The following NDFIP1 variants were observed in gnomAD, a reference collection of about 807,000 sequenced individuals.
NDFIP1 encodes NEDD4 family-interacting protein 1.
In NDFIP1, 7 loss-of-function variants were observed where a neutral mutation model predicts 28.8. That is an observed-to-expected ratio of 0.24 (90% CI 0.14 to 0.46). The LOEUF is 0.46. Among genes scored for constraint, NDFIP1 ranks in the 20% least tolerant of loss-of-function variants. The pLI is 0.99. For missense variants in NDFIP1, 194 were observed against 269.1 expected (o/e 0.72, Z 1.95); for synonymous variants, 92 against 101.0 (o/e 0.91, Z 0.53).
intron 1 of NDFIP1, among the ~76,000 whole-genome samples, chr5:142,131,427 A>C (rs1355013505): frequency 6.6e-6 from 1 of 152,160 alleles, no homozygotes; most frequent in Non-Finnish European, 1.5e-5. Context: ...GGAGTGTGCC[A>C]CCATGCCTGG....
chr5:142,143,529 A>T (rs1472964281), intron 6 of NDFIP1: 1 of 136,314 alleles, frequency 7.3e-6, no homozygotes, highest in Non-Finnish European at 1.7e-5. Flanking sequence ...CAGTAAAAGT[A>T]TTTAAAAAAA....
intron 1 of NDFIP1, among the ~76,000 whole-genome samples, chr5:142,110,228 C>CA (rs1309361601): frequency 6.6e-6 from 1 of 152,156 alleles, no homozygotes; most frequent in Non-Finnish European, 1.5e-5. Flanking sequence ...AAACACGGCC[C>CA]AAATTGTGGC....
chr5:142,133,507 T>TGATA (rs1355207987), intron 3 of NDFIP1, among the ~76,000 whole-genome samples: 1 of 152,238 alleles, frequency 6.6e-6, no homozygotes, highest in Non-Finnish European at 1.5e-5. Context: ...GTCATATGAC[T>TGATA]GATAAGTAGC....
At chr5:142,116,066 A>G (rs1292251589) in intron 1 of NDFIP1, among the ~76,000 whole-genome samples, 1 of 152,136 alleles carries the variant, frequency 6.6e-6, no homozygotes, top group Non-Finnish European at 1.5e-5. Context: ...GGAGTCCTGG[A>G]ACCAATTCCC....
chr5:142,144,749 A>T (rs1596795406), intron 7 of NDFIP1, 73 bp downstream of exon 7: 2 of 990,956 alleles, frequency 2.0e-6, no homozygotes, highest in Non-Finnish European at 3.1e-6. Flanking sequence ...TCAGTTTTAG[A>T]GTAAGTATCT....
intron 7 of NDFIP1, among the ~76,000 whole-genome samples, chr5:142,149,251 T>A (rs1021768920): frequency 5.9e-5 from 9 of 152,100 alleles, no homozygotes; most frequent in Admixed American, 5.2e-4. Context: ...AATACTTCTT[T>A]TATTTTATTA....
intron 7 of NDFIP1, among the ~76,000 whole-genome samples, chr5:142,150,969 G>A (rs1350468784): frequency 6.6e-6 from 1 of 152,010 alleles, no homozygotes; most frequent in Non-Finnish European, 1.5e-5. Flanking sequence ...GGAATTACTT[G>A]TAGTTTTTCC....
At chr5:142,121,778 T>C (rs922146116) in intron 1 of NDFIP1, among the ~76,000 whole-genome samples, 1 of 152,246 alleles carries the variant, frequency 6.6e-6, no homozygotes, top group African/African-American at 2.4e-5. Context: ...TGTAAAGTAA[T>C]ATGAATACTT....
In NDFIP1 at chr5:142,125,143, C is replaced by T. The variant is rs544375203; in HGVS notation, c.64-6665C>T. On this transcript the variant is annotated intron_variant, in intron 1 of 7. Transcript: ENST00000253814. Reference sequence around the variant, plus strand: ...GTACTGTAATGTTTTTAAGGTTCATCCATATTTCAGCATGTGTCAGTATCT... The same window carrying T: ...GTACTGTAATGTTTTTAAGGTTCATTCATATTTCAGCATGTGTCAGTATCT... Among the ~76,000 whole-genome samples, 3 of 152,168 alleles carry T rather than the reference C, an allele frequency of 2.0e-5. No homozygotes were observed. The South Asian group carries it at 6.2e-4, about 32-fold the overall frequency.
At chr5:142,121,041 A>G (rs1252906617) in intron 1 of NDFIP1, among the ~76,000 whole-genome samples, 1 of 152,214 alleles carries the variant, frequency 6.6e-6, no homozygotes, top group Non-Finnish European at 1.5e-5. Context: ...GTCAACATGC[A>G]AGCCTGGGTT....
intron 1 of NDFIP1, among the ~76,000 whole-genome samples, chr5:142,112,300 G>A (rs535964478): frequency 2.6e-4 from 40 of 151,240 alleles, no homozygotes; most frequent in East Asian, 1.6e-3. Context: ...CAGGAGAATC[G>A]CTTGAACCTG....
At chr5:142,145,593 G>A (rs1328988457) in intron 7 of NDFIP1, among the ~76,000 whole-genome samples, 1 of 152,120 alleles carries the variant, frequency 6.6e-6, no homozygotes, top group Non-Finnish European at 1.5e-5. Flanking sequence ...TTACATGATA[G>A]TGGAGAGTGT....
At chr5:142,120,589 A>C (rs1757113628) in intron 1 of NDFIP1, among the ~76,000 whole-genome samples, 1 of 152,206 alleles carries the variant, frequency 6.6e-6, no homozygotes, top group African/African-American at 2.4e-5. Context: ...TTTCAGGAGG[A>C]ATAAGAGGCA....
At chr5:142,143,435 C>T (rs1062158) in intron 6 of NDFIP1, 102,183 of 151,996 alleles carry the variant, frequency 0.67, 34,665 homozygotes, top group African/African-American at 0.77. Context: ...GAATGATGTT[C>T]CCCAAGCTCA....
At position 142,153,250 on chromosome 5, in the gene NDFIP1, T is replaced by C. The variant is rs772969998; in HGVS notation, c.*1522T>C. On this transcript the variant is annotated 3_prime_UTR_variant, in exon 8 of 8. Coordinates refer to ENST00000253814, the MANE Select transcript of NDFIP1 (RefSeq NM_030571.4). ...TTAGAGACCAGTTGTTTTTATGATA[T>C]CAGCCATTTGATTTTTTTCATTTTC... The C allele has an allele frequency of 3.3e-5, 15 of 453,066 alleles. No individual in the cohort carries two copies. Among genetic ancestry groups the C allele is most frequent in the Non-Finnish European group, 6.6e-5 (15 of 226,476 alleles). 28.1% of individuals were successfully genotyped at this position (453,066 alleles called of 1,614,324 possible).
intron 1 of NDFIP1, among the ~76,000 whole-genome samples, chr5:142,120,144 C>CG (rs1164972280): frequency 6.6e-6 from 1 of 152,022 alleles, no homozygotes; most frequent in African/African-American, 2.4e-5. Flanking sequence ...TTAGTAGAGA[C>CG]GGGGTTTCAC....
At chr5:142,148,750 CAAAAAAA>C (rs60681858) in intron 7 of NDFIP1, among the ~76,000 whole-genome samples, 14 of 22,226 alleles carry the variant, frequency 6.3e-4, no homozygotes, top group Admixed American at 2.5e-3. Context: ...GACTCTGTCT[CAAAAAAA>C]AAAAAAAAAA....
intron 1 of NDFIP1, among the ~76,000 whole-genome samples, chr5:142,127,454 A>G (rs985885139): frequency 1.3e-5 from 2 of 152,198 alleles, no homozygotes; most frequent in African/African-American, 4.8e-5. Flanking sequence ...TCTGCTCAGC[A>G]CATAGAAGGG....
Position 142,108,932 on chromosome 5 carries a change from C to G in NDFIP1, c.-43C>G, listed in dbSNP as rs779489738. ...AGCCGCAGCGGCCGCGCCCCTTCAG[C>G]TAGCTCGCTCGCTCGCTCTGCTTCC... On this transcript the variant is annotated 5_prime_UTR_variant, in exon 1 of 8. Transcript: ENST00000253814. 190 of 1,412,690 alleles carry G rather than the reference C, an allele frequency of 1.3e-4. No homozygotes were observed. Among genetic ancestry groups the G allele is most frequent in the Non-Finnish European group, 1.7e-4 (185 of 1,083,746 alleles). 87.5% of individuals were successfully genotyped at this position (1,412,690 alleles called of 1,614,324 possible).
Sources: gnomAD v4.1 joint callset for allele counts (sites outside exome capture counted in the v4.1 genomes callset) on GRCh38, gnomAD v4.1.1 for gene constraint, MANE v1.5 for transcripts, NCBI Gene and HGNC (gene_info 2026-07-23, HGNC 2026-07-21) for gene names.